Variants in MEIOSIN observed in about 807,000 individuals in gnomAD.
MEIOSIN encodes the protein meiosis initiator protein.
In MEIOSIN, 18 loss-of-function variants were observed where a neutral mutation model predicts 23.4. The observed-to-expected ratio is 0.77, with a 90% CI of 0.53 to 1.14. The LOEUF (loss-of-function observed/expected upper bound fraction) is 1.14, where lower values mean the gene tolerates loss of function less well. MEIOSIN is among the 50% of genes most tolerant of loss of function. The pLI, the probability that MEIOSIN is intolerant of heterozygous loss-of-function variation, is 0.00. For missense variants in MEIOSIN, 428 were observed against 242.9 expected, an observed-to-expected ratio of 1.76 and a Z score of -5.07; for synonymous variants, 187 against 100.6, an observed-to-expected ratio of 1.86 and a Z score of -5.14.
At chr19:45,763,824 C>T (rs980243484) in intron 14 of MEIOSIN, 147 bp from the exon 15 acceptor site, 7 of 397,476 alleles carry the variant, frequency 1.8e-5, no homozygotes, top group Non-Finnish European at 3.1e-5. Flanking sequence ...TCCCATCTTA[C>T]TGACTGGGAC....
At chr19:45,751,614 G>A (rs140502490) in intron 5 of MEIOSIN, among the ~76,000 whole-genome samples, 127 of 146,948 alleles carry the variant, frequency 8.6e-4, no homozygotes, top group Admixed American at 1.9e-3. Context: ...TGCTCACTGC[G>A]ACCTCTGCCT....
chr19:45,737,940 T>C (rs1231714112), intron 2 of MEIOSIN, among the ~76,000 whole-genome samples: 2 of 149,154 alleles, frequency 1.3e-5, no homozygotes, highest in Admixed American at 6.7e-5. Flanking sequence ...AAAAAAATTG[T>C]GGACAGGGTC....
intron 11 of MEIOSIN, among the ~76,000 whole-genome samples, chr19:45,759,949 C>T (rs1968908148): frequency 6.6e-6 from 1 of 151,918 alleles, no homozygotes; most frequent in Non-Finnish European, 1.5e-5. Flanking sequence ...TTACAGGTGC[C>T]TGTCACCACA....
intron 4 of MEIOSIN, among the ~76,000 whole-genome samples, chr19:45,747,652 C>T (rs1349705579): frequency 1.3e-5 from 2 of 152,194 alleles, no homozygotes; most frequent in Admixed American, 1.3e-4. Context: ...GTCTTAGATA[C>T]ATTTTTCTCA....
chr19:45,756,204 C>G, intron 8 of MEIOSIN, 126 bp downstream of exon 8: 1 of 612,602 alleles, frequency 1.6e-6, no homozygotes, highest in Non-Finnish European at 2.9e-6. Flanking sequence ...CAATGGAGGC[C>G]CAGCTTTGTG....
chr19:45,751,733 T>C (rs1038783809), intron 5 of MEIOSIN, among the ~76,000 whole-genome samples: 11 of 107,150 alleles, frequency 1.0e-4, no homozygotes, highest in South Asian at 1.0e-3. Flanking sequence ...TTTCTTTCTT[T>C]CTTTTTTTTT....
intron 4 of MEIOSIN, among the ~76,000 whole-genome samples, chr19:45,746,251 G>A (rs1968593421): frequency 6.6e-6 from 1 of 152,168 alleles, no homozygotes; most frequent in Non-Finnish European, 1.5e-5. Flanking sequence ...ACAGGCATAA[G>A]CCACTGCACC....
rs113271785 is a variant in MEIOSIN at position 45,749,007 on chromosome 19, T to C, written c.307-1668T>C. On this transcript the variant is annotated intron_variant, in intron 4 of 14. Coordinates refer to ENST00000457052, the MANE Select transcript of MEIOSIN (RefSeq NM_001310124.2). ...TCGCTTGAACCTGGGAGTCAGAGGC[T>C]GCAGTGAGCTGAGATCGTACCACTG... Among the ~76,000 whole-genome samples the C allele has an allele frequency of 6.2e-3, 941 of 151,504 alleles. 12 individuals are homozygous for C. The highest frequency in any genetic ancestry group is 0.022 in the African/African-American group (887 of 41,248).
chr19:45,739,969 T>G (rs1184116990), intron 3 of MEIOSIN, among the ~76,000 whole-genome samples: 1 of 152,074 alleles, frequency 6.6e-6, no homozygotes, highest in African/African-American at 2.4e-5. Flanking sequence ...TGCCTCAACC[T>G]CCCGAGTAGT....
rs1204157634 is a variant in MEIOSIN, at chr19:45,763,415, G to A, written c.1757G>A (p.Arg586Gln). 2.3e-5 allele frequency: 9 copies of A among 398,592 alleles called. No individual in the cohort carries two copies. The highest frequency in any genetic ancestry group is 2.5e-4 in the South Asian group (2 of 7,864). The allele number at this position is 398,592 out of a possible 1,614,324, so 24.7% of individuals were successfully genotyped here. The change falls in exon 14 of 15, where the codon CGG becomes CAG. Residue 586 changes from arginine to glutamine, a missense_variant. By Grantham distance (43) the Arg-to-Gln change is conservative (BLOSUM62 1). Coordinates refer to ENST00000457052, the MANE Select transcript of MEIOSIN (RefSeq NM_001310124.2). ...TGGCGGGTGATGACCCAGCAGGAGC[G>A]GAGGCCATACTGGTGAGAGGCTCCG... ...QLWRVMTQQE[R>Q]RPYCTKARRF... is the part of the protein sequence containing the mutation.
At chr19:45,734,323 G>A (rs1968373320) in intron 1 of MEIOSIN, among the ~76,000 whole-genome samples, 1 of 152,086 alleles carries the variant, frequency 6.6e-6, no homozygotes, top group South Asian at 2.1e-4. Context: ...AGGTCAATCT[G>A]GAGAAGTGAG....
rs1270081535 is a variant in MEIOSIN, at chr19:45,758,915, C to G, written c.1050C>G (p.Val350=). The change falls in exon 10 of 15, where the codon GTC becomes GTG. Residue 350 remains valine (V), a synonymous_variant. Coordinates refer to ENST00000457052, the MANE Select transcript of MEIOSIN (RefSeq NM_001310124.2). Reference sequence around the variant, plus strand: ...TCCTGGGGCCTCCCCAGATTGATGTCTGGAGTGGAACAGGCCACCCAAGTG... The same window carrying G: ...TCCTGGGGCCTCCCCAGATTGATGTGTGGAGTGGAACAGGCCACCCAAGTG... ...PLFLGPPQID[V]WSGTGHPSEI... is the part of the protein sequence containing the mutation. 1.0e-5 allele frequency: 7 copies of G among 703,092 alleles called. No individual in the cohort carries two copies. In the East Asian group the frequency reaches 1.9e-4, roughly 19 times the overall value. 43.6% of individuals were successfully genotyped at this position (703,092 alleles called of 1,614,324 possible). A position where few individuals can be genotyped will look rare whatever the true frequency, so the allele number is the denominator to read the frequency against.
intron 4 of MEIOSIN, among the ~76,000 whole-genome samples, chr19:45,746,351 A>G (rs1451176790): frequency 1.3e-5 from 2 of 152,068 alleles, no homozygotes; most frequent in African/African-American, 4.8e-5. Context: ...CTTTTTGCCA[A>G]CTTCTGGGGG....
chr19:45,746,064 G>A (rs949508547), intron 4 of MEIOSIN, among the ~76,000 whole-genome samples: 1 of 152,018 alleles, frequency 6.6e-6, no homozygotes, highest in East Asian at 1.9e-4. Flanking sequence ...TGCTTCCCAG[G>A]CTCAAGCAAT....
rs1372417083 is a variant in MEIOSIN at position 45,756,383 on chromosome 19, C to T, written c.911+305C>T. Among the ~76,000 whole-genome samples, 4 of 152,220 alleles carry T rather than the reference C, an allele frequency of 2.6e-5. No homozygotes were observed. The East Asian group carries it at 7.7e-4, about 29-fold the overall frequency. Reference sequence around the variant, plus strand: ...GACCACGGAGTTTGTGGCTTAAAGCCCTTCCTCAGGCCTGCAGCATAGAGT... The same window carrying T: ...GACCACGGAGTTTGTGGCTTAAAGCTCTTCCTCAGGCCTGCAGCATAGAGT... On this transcript the variant is annotated intron_variant, in intron 8 of 14. Transcript: ENST00000457052.
Position 45,764,034 on chromosome 19 carries a change from C to T in MEIOSIN, c.1833C>T (p.Ser611=), listed in dbSNP as rs940389522. 17 of 398,528 alleles carry T rather than the reference C, an allele frequency of 4.3e-5. No homozygotes were observed. The highest frequency in any genetic ancestry group is 1.3e-4 in the South Asian group (1 of 7,870). The allele number at this position is 398,528 out of a possible 1,614,324, so 24.7% of individuals were successfully genotyped here. ...NRIVKQDGSS[S]EAEDWETPKP... ...TCGTGAAGCAGGACGGCTCCAGCAG[C>T]GAGGCTGAGGACTGGGAGACGCCAA... Residue 611 remains serine (S), a synonymous_variant, in exon 15 of 15, where the codon AGC becomes AGT. Transcript: ENST00000457052.
intron 10 of MEIOSIN, 50 bp downstream of exon 10, chr19:45,759,083 G>T (rs2146198101): frequency 1.4e-6 from 1 of 702,370 alleles, no homozygotes; most frequent in Non-Finnish European, 2.6e-6. Flanking sequence ...GAAACATACG[G>T]TGCCCAGGCC....
At chr19:45,745,456 A>C in intron 4 of MEIOSIN, 135 bp downstream of exon 4, 1 of 578,430 alleles carries the variant, frequency 1.7e-6, no homozygotes. Context: ...GCTACTCTGA[A>C]CGGGAATTTC....
chr19:45,755,954 C>G lies in MEIOSIN; in HGVS notation c.803-16C>G. On this transcript the variant is annotated splice_polypyrimidine_tract_variant and intron_variant, in intron 7 of 14. Coordinates refer to ENST00000457052, the MANE Select transcript of MEIOSIN (RefSeq NM_001310124.2). Reference sequence around the variant, plus strand: ...GGTCCAGTCCCCAGGCATGGTCATCCTGATCTGCCCCTTAGGCTGCTGGTG... The same window carrying G: ...GGTCCAGTCCCCAGGCATGGTCATCGTGATCTGCCCCTTAGGCTGCTGGTG... 1.4e-6 allele frequency: 1 copy of G among 701,242 alleles called. No individual in the cohort carries two copies. Among genetic ancestry groups the G allele is most frequent in the Non-Finnish European group, 2.6e-6 (1 of 384,480 alleles). The allele number at this position is 701,242 out of a possible 1,614,324, so 43.4% of individuals were successfully genotyped here.
Sources: allele counts gnomAD v4.1 joint callset (sites outside exome capture counted in the v4.1 genomes callset), GRCh38; gene constraint gnomAD v4.1.1; transcripts MANE v1.5; gene names NCBI Gene and HGNC (gene_info 2026-07-23, HGNC 2026-07-21).